Variants in MVB12B observed in about 807,000 individuals in gnomAD.
MVB12B encodes multivesicular body subunit 12B, also known as ESCRT-I complex subunit MVB12B.
In MVB12B, 16 loss-of-function variants were observed where a neutral mutation model predicts 41.6. The ratio of observed to expected loss-of-function variants is 0.38; its 90% CI spans 0.26 to 0.58. The LOEUF (loss-of-function observed/expected upper bound fraction) is 0.58. Among genes scored for constraint, MVB12B ranks in the 20% least tolerant of loss-of-function variants. The pLI, the probability that MVB12B is intolerant of heterozygous loss-of-function variation, is 0.62. For missense variants in MVB12B, 274 were observed against 380.2 expected, an observed-to-expected ratio of 0.72 and a Z score of 2.32; for synonymous variants, 133 against 139.7, an observed-to-expected ratio of 0.95 and a Z score of 0.34.
Position 126,481,164 on chromosome 9 carries a change from C to T in MVB12B, c.758-205C>T, listed in dbSNP as rs1394500071. ...GCCTGGTGCTCAGGGGATGACGAGG[C>T]GCCTGCCTCTCTCAGTAGGTTGTGT... On this transcript the variant is annotated intron_variant, in intron 7 of 9. Coordinates refer to ENST00000361171, the MANE Select transcript of MVB12B (RefSeq NM_033446.3). 1.2e-5 allele frequency: 7 copies of T among 596,958 alleles called. No individual in the cohort carries two copies. In the Admixed American group the frequency reaches 1.2e-4, roughly 10 times the overall value. The allele number at this position is 596,958 out of a possible 1,614,324, so 37.0% of individuals were successfully genotyped here.
intron 9 of MVB12B, among the ~76,000 whole-genome samples, chr9:126,498,116 G>T (rs1833876676): frequency 6.6e-6 from 1 of 152,226 alleles, no homozygotes; most frequent in Admixed American, 6.5e-5. Flanking sequence ...AGCCAGGGCT[G>T]CATTCCTCAT....
At chr9:126,351,857 G>T (rs1368796964) in intron 2 of MVB12B, among the ~76,000 whole-genome samples, 1 of 152,124 alleles carries the variant, frequency 6.6e-6, no homozygotes, top group African/African-American at 2.4e-5. Flanking sequence ...CAAGTTGAGG[G>T]AGTTCCTTTC....
chr9:126,446,597 C>A (rs904352309), intron 7 of MVB12B, among the ~76,000 whole-genome samples: 4 of 148,482 alleles, frequency 2.7e-5, no homozygotes, highest in African/African-American at 7.4e-5. Context: ...ATTTCAGTTT[C>A]TTTCAGCATT....
chr9:126,368,505 G>A (rs956247013), intron 2 of MVB12B, among the ~76,000 whole-genome samples: 1 of 152,020 alleles, frequency 6.6e-6, no homozygotes, highest in Non-Finnish European at 1.5e-5. Flanking sequence ...AGAGAGGGTT[G>A]GAGAACCTTG....
intron 7 of MVB12B, among the ~76,000 whole-genome samples, chr9:126,456,518 A>G (rs1244374384): frequency 6.6e-6 from 1 of 152,208 alleles, no homozygotes; most frequent in African/African-American, 2.4e-5. Flanking sequence ...GCCAAGCCCC[A>G]GGGTTTTTCT....
intron 2 of MVB12B, among the ~76,000 whole-genome samples, chr9:126,349,697 T>C (rs967789286): frequency 6.6e-6 from 1 of 152,244 alleles, no homozygotes; most frequent in Non-Finnish European, 1.5e-5. Context: ...TTTATTTCTT[T>C]TTACTGATAA....
At chr9:126,405,403 G>A (rs1831390188) in intron 6 of MVB12B, among the ~76,000 whole-genome samples, 1 of 152,104 alleles carries the variant, frequency 6.6e-6, no homozygotes, top group Non-Finnish European at 1.5e-5. Context: ...TTTTCTGTGT[G>A]TCAGAACAGA....
At chr9:126,401,807 T>C (rs1322720468) in intron 6 of MVB12B, among the ~76,000 whole-genome samples, 2 of 152,228 alleles carry the variant, frequency 1.3e-5, no homozygotes, top group African/African-American at 4.8e-5. Context: ...TACTTTCTGA[T>C]TAACTCGCAG....
At chr9:126,484,423 A>G (rs910358057) in intron 9 of MVB12B, among the ~76,000 whole-genome samples, 1 of 152,216 alleles carries the variant, frequency 6.6e-6, no homozygotes, top group African/African-American at 2.4e-5. Flanking sequence ...GTTTCGGGAA[A>G]TGACCAAGCG....
intron 9 of MVB12B, among the ~76,000 whole-genome samples, chr9:126,496,496 G>C (rs1357102088): frequency 1.4e-5 from 2 of 138,512 alleles, no homozygotes; most frequent in Non-Finnish European, 3.1e-5. Context: ...TTCATTCTAG[G>C]CTGTGATCTC....
intron 2 of MVB12B, among the ~76,000 whole-genome samples, chr9:126,351,564 C>T (rs1294013006): frequency 6.9e-6 from 1 of 144,148 alleles, no homozygotes; most frequent in African/African-American, 2.6e-5. Flanking sequence ...TCTCAGCTCA[C>T]TGCAACCTGC....
intron 6 of MVB12B, among the ~76,000 whole-genome samples, chr9:126,398,855 T>C (rs1223161227): frequency 1.3e-5 from 2 of 152,044 alleles, no homozygotes; most frequent in Admixed American, 6.5e-5. Context: ...CTCCATTTCT[T>C]GTGTCATCGC....
chr9:126,335,327 C>T (rs1219082239), intron 1 of MVB12B: 2 of 1,304,238 alleles, frequency 1.5e-6, no homozygotes, highest in Non-Finnish European at 2.0e-6. Flanking sequence ...GCACTGTCCC[C>T]CACGGGTGGC....
intron 7 of MVB12B, among the ~76,000 whole-genome samples, chr9:126,456,078 C>T (rs549792563): frequency 4.3e-4 from 65 of 151,926 alleles, no homozygotes; most frequent in Non-Finnish European, 6.6e-4. Flanking sequence ...TTAGTAGAGA[C>T]GGGGTTTCAC....
intron 6 of MVB12B, among the ~76,000 whole-genome samples, chr9:126,409,052 T>G (rs1056005989): frequency 6.6e-6 from 1 of 152,134 alleles, no homozygotes; most frequent in South Asian, 2.1e-4. Context: ...CCTTGAGCTT[T>G]GCTGCCCCCA....
chr9:126,409,834 C>A (rs1192527012), intron 6 of MVB12B, among the ~76,000 whole-genome samples: 1 of 152,204 alleles, frequency 6.6e-6, no homozygotes, highest in Non-Finnish European at 1.5e-5. Flanking sequence ...AAGAACTTCA[C>A]CCTAATTAAA....
chr9:126,424,304 A>T (rs1313977324), intron 7 of MVB12B, among the ~76,000 whole-genome samples: 1 of 152,228 alleles, frequency 6.6e-6, no homozygotes, highest in Non-Finnish European at 1.5e-5. Context: ...GTTGGCTCCC[A>T]TCATGCCTGC....
intron 7 of MVB12B, among the ~76,000 whole-genome samples, chr9:126,452,151 C>A (rs566609684): frequency 1.3e-5 from 2 of 152,340 alleles, no homozygotes; most frequent in East Asian, 1.9e-4. Context: ...TGAGTCCGTG[C>A]CTTCAGCTCA....
At chr9:126,463,319 T>C (rs891974453) in intron 7 of MVB12B, among the ~76,000 whole-genome samples, 10 of 152,168 alleles carry the variant, frequency 6.6e-5, no homozygotes, top group Admixed American at 1.3e-4. Flanking sequence ...AGCTAGATGA[T>C]ACGAGTAGCT....
Sources: gnomAD v4.1 joint callset for allele counts (sites outside exome capture counted in the v4.1 genomes callset) on GRCh38, gnomAD v4.1.1 for gene constraint, MANE v1.5 for transcripts, NCBI Gene and HGNC (gene_info 2026-07-23, HGNC 2026-07-21) for gene names.